Variants in PIP4K2A observed in about 807,000 individuals in gnomAD.
PIP4K2A encodes phosphatidylinositol 5-phosphate 4-kinase type-2 alpha.
PIP4K2A carries 14 observed loss-of-function variants against 42.9 expected under a neutral mutation model. The ratio of observed to expected loss-of-function variants is 0.33; its 90% CI spans 0.22 to 0.51. The LOEUF (loss-of-function observed/expected upper bound fraction) is 0.51, where lower values mean the gene tolerates loss of function less well. PIP4K2A is among the 20% of genes least tolerant of loss of function. The pLI, the probability that PIP4K2A is intolerant of heterozygous loss-of-function variation, is 0.97. For missense variants in PIP4K2A, 434 were observed against 519.8 expected, an observed-to-expected ratio of 0.83 and a Z score of 1.61; for synonymous variants, 192 against 192.2, an observed-to-expected ratio of 1.00 and a Z score of 0.01.
chr10:22,626,269 G>A (rs1838435119), intron 1 of PIP4K2A, among the ~76,000 whole-genome samples: 1 of 151,938 alleles, frequency 6.6e-6, no homozygotes, highest in Non-Finnish European at 1.5e-5. Flanking sequence ...AAAAAAAAGA[G>A]TAACTTGCTT....
chr10:22,623,784 T>A (rs569750999), intron 1 of PIP4K2A, among the ~76,000 whole-genome samples: 3 of 152,312 alleles, frequency 2.0e-5, no homozygotes, highest in African/African-American at 7.2e-5. Context: ...CCACATGGGC[T>A]GAAGCTAATG....
chr10:22,711,735 T>C (rs1214521397), intron 1 of PIP4K2A, among the ~76,000 whole-genome samples: 3 of 152,234 alleles, frequency 2.0e-5, no homozygotes, highest in African/African-American at 7.2e-5. Flanking sequence ...ATTCTCACAT[T>C]ATACTATAAA....
chr10:22,538,323 G>A (rs1041832558), intron 9 of PIP4K2A, among the ~76,000 whole-genome samples: 2 of 152,208 alleles, frequency 1.3e-5, no homozygotes, highest in African/African-American at 4.8e-5. Flanking sequence ...GTGGCTTATG[G>A]GGAGATGAAC....
At chr10:22,649,987 C>A (rs1838959544) in intron 1 of PIP4K2A, among the ~76,000 whole-genome samples, 1 of 152,198 alleles carries the variant, frequency 6.6e-6, no homozygotes, top group African/African-American at 2.4e-5. Context: ...ATGGTTCTAT[C>A]TGCCTTCCTC....
At chr10:22,643,742 T>G (rs1679006614) in intron 1 of PIP4K2A, among the ~76,000 whole-genome samples, 1 of 152,116 alleles carries the variant, frequency 6.6e-6, no homozygotes, top group Admixed American at 6.5e-5. Context: ...ATTTTTTTCT[T>G]CTGCGCAGGA....
chr10:22,615,456 C>T (rs1838156834), intron 1 of PIP4K2A, among the ~76,000 whole-genome samples: 1 of 152,142 alleles, frequency 6.6e-6, no homozygotes, highest in Non-Finnish European at 1.5e-5. Context: ...AACACGCACA[C>T]ATATAGTTCT....
intron 3 of PIP4K2A, among the ~76,000 whole-genome samples, chr10:22,600,280 A>C (rs1837729342): frequency 6.6e-6 from 1 of 152,034 alleles, no homozygotes; most frequent in Non-Finnish European, 1.5e-5. Flanking sequence ...TGGTTGAAAG[A>C]GGGGCCACTT....
intron 1 of PIP4K2A, among the ~76,000 whole-genome samples, chr10:22,626,303 T>G (rs1261326372): frequency 1.3e-5 from 2 of 152,210 alleles, no homozygotes; most frequent in East Asian, 1.9e-4. Flanking sequence ...TTTTCTCATA[T>G]ACTGAATTAA....
At chr10:22,624,127 CTATGTTTAACA>C (rs1372686660) in intron 1 of PIP4K2A, among the ~76,000 whole-genome samples, 1 of 152,128 alleles carries the variant, frequency 6.6e-6, no homozygotes, top group Non-Finnish European at 1.5e-5. Context: ...GTTTTCTTCA[CTATGTTTAACA>C]TTGGGCAGTA....
chr10:22,589,224 G>C (rs1239312728), intron 4 of PIP4K2A, among the ~76,000 whole-genome samples: 1 of 152,192 alleles, frequency 6.6e-6, no homozygotes, highest in Non-Finnish European at 1.5e-5. Context: ...ACAACTGAAA[G>C]AAAGTATAAA....
intron 1 of PIP4K2A, among the ~76,000 whole-genome samples, chr10:22,635,338 G>A (rs943639701): frequency 6.6e-5 from 10 of 152,172 alleles, no homozygotes; most frequent in African/African-American, 2.4e-4. Context: ...GAGGCTGAAT[G>A]TGTGTGTCTG....
intron 1 of PIP4K2A, among the ~76,000 whole-genome samples, chr10:22,695,496 C>T (rs1027971649): frequency 2.0e-5 from 3 of 151,994 alleles, no homozygotes; most frequent in Non-Finnish European, 4.4e-5. Flanking sequence ...ATCAATATTT[C>T]TTTTAATCAA....
intron 5 of PIP4K2A, among the ~76,000 whole-genome samples, chr10:22,572,936 A>G (rs1588634426): frequency 6.6e-6 from 1 of 152,160 alleles, no homozygotes. Context: ...AATTCTGTCT[A>G]TAGCACTTAC....
rs115933627 is a variant in PIP4K2A, at chr10:22,697,337, T to G, written c.144+16846A>C. Among the ~76,000 whole-genome samples the G allele has an allele frequency of 2.2e-3, 335 of 152,370 alleles. 2 individuals carry two copies. The highest frequency in any genetic ancestry group is 7.4e-3 in the African/African-American group (306 of 41,592). ...AGTGACCGGCATTATTTATACTACA[T>G]AATTCTTGACAGAGTGGCTAGCGCA... On this transcript the variant is annotated intron_variant, in intron 1 of 9. Transcript: ENST00000376573.
At chr10:22,627,019 T>C (rs1036880191) in intron 1 of PIP4K2A, among the ~76,000 whole-genome samples, 7 of 152,204 alleles carry the variant, frequency 4.6e-5, no homozygotes, top group African/African-American at 1.2e-4. Flanking sequence ...TGCCATCACA[T>C]GAGTTTTGCA....
intron 1 of PIP4K2A, among the ~76,000 whole-genome samples, chr10:22,701,153 A>G (rs796616350): frequency 2.0e-5 from 3 of 152,320 alleles, no homozygotes; most frequent in African/African-American, 7.2e-5. Context: ...GTCTCACAGT[A>G]TCTGTGTGTA....
chr10:22,561,744 T>G (rs1233385148), intron 6 of PIP4K2A, among the ~76,000 whole-genome samples: 1 of 151,424 alleles, frequency 6.6e-6, no homozygotes, highest in African/African-American at 2.4e-5. Context: ...TTGAATTGTT[T>G]GTAGAGTTGG....
intron 3 of PIP4K2A, among the ~76,000 whole-genome samples, chr10:22,594,246 C>T (rs1414725704): frequency 6.6e-6 from 1 of 152,198 alleles, no homozygotes; most frequent in African/African-American, 2.4e-5. Flanking sequence ...CTTACCGGCA[C>T]TCATGCCTTT....
At position 22,585,981 on chromosome 10, in the gene PIP4K2A, T is replaced by C. The variant is rs1367888862; in HGVS notation, c.492+5648A>G. Reference sequence around the variant, plus strand: ...ACGTCAGTGCGGGGAAAAAAAAAATTCAGTCGATTTAAGATAAAAAGATAT... The same window carrying C: ...ACGTCAGTGCGGGGAAAAAAAAAATCCAGTCGATTTAAGATAAAAAGATAT... On this transcript the variant is annotated intron_variant, in intron 4 of 9. Transcript: ENST00000376573. Among the ~76,000 whole-genome samples, 4 of 152,050 alleles carry C rather than the reference T, an allele frequency of 2.6e-5. No individual in the cohort carries two copies. In the East Asian group the frequency reaches 7.7e-4, roughly 29 times the overall value.
Sources: allele counts gnomAD v4.1 joint callset (sites outside exome capture counted in the v4.1 genomes callset), GRCh38; gene constraint gnomAD v4.1.1; transcripts MANE v1.5; gene names NCBI Gene and HGNC (gene_info 2026-07-23, HGNC 2026-07-21).